TET1: variants seen among roughly 807,000 people sequenced by gnomAD.
The protein encoded by TET1 is tet methylcytosine dioxygenase 1, also known as methylcytosine dioxygenase TET1.
In TET1, 13 loss-of-function variants were observed where a neutral mutation model predicts 148.7. That is an observed-to-expected ratio of 0.09 (90% CI 0.06 to 0.14). The LOEUF is 0.14. TET1 is among the 10% of genes least tolerant of loss of function. The pLI, the probability that TET1 is intolerant of heterozygous loss-of-function variation, is 1.00. For synonymous variants in TET1, 907 were observed against 937.2 expected, an observed-to-expected ratio of 0.97 and a Z score of 0.59; for missense variants, 2,182 against 2,553.8, an observed-to-expected ratio of 0.85 and a Z score of 3.14.
At chr10:68,642,364 T>C (rs893534855) in intron 3 of TET1, among the ~76,000 whole-genome samples, 5 of 151,762 alleles carry the variant, frequency 3.3e-5, no homozygotes, top group Non-Finnish European at 7.4e-5. Flanking sequence ...AACCTGGGAG[T>C]TCGAGGCTAC....
At position 68,560,997 on chromosome 10, in the gene TET1, C is replaced by T. The variant is rs552868694; in HGVS notation, c.-123+255C>T. On this transcript the variant is annotated intron_variant, in intron 1 of 11. Transcript: ENST00000373644. ...GGTATCGGCCACCCGCTCCGGAGGCCCCGCCACAGCGCCGGGTTGGGGGCA... is the reference window on the plus strand; with the variant it reads ...GGTATCGGCCACCCGCTCCGGAGGCTCCGCCACAGCGCCGGGTTGGGGGCA... 3.9e-5 allele frequency among the ~76,000 whole-genome samples: 6 copies of T among 152,318 alleles called. No homozygotes were observed. The East Asian group carries it at 1.2e-3, about 29-fold the overall frequency.
intron 2 of TET1, among the ~76,000 whole-genome samples, chr10:68,578,857 A>G (rs894382414): frequency 2.0e-5 from 3 of 152,212 alleles, no homozygotes; most frequent in Admixed American, 6.5e-5. Flanking sequence ...AAATTTAAAA[A>G]AAAGAAAAAA....
rs546407182 is a variant in TET1, at chr10:68,669,636, G to A, written c.4673+2380G>A. On this transcript the variant is annotated intron_variant, in intron 7 of 11. Transcript: ENST00000373644. ...CCCAAAGTGCTGGGATTACAGGCGTGAGCCACCACGTCCAGCCCAGTGAAC... is the reference window on the plus strand; with the variant it reads ...CCCAAAGTGCTGGGATTACAGGCGTAAGCCACCACGTCCAGCCCAGTGAAC... Among the ~76,000 whole-genome samples the A allele has an allele frequency of 4.6e-5, 7 of 151,258 alleles. No individual in the cohort carries two copies. The South Asian group carries it at 6.3e-4, about 14-fold the overall frequency.
chr10:68,589,665 T>A (rs948187609), intron 2 of TET1, among the ~76,000 whole-genome samples: 1 of 29,856 alleles, frequency 3.3e-5, no homozygotes, highest in African/African-American at 7.6e-5. Context: ...ATCTCCAATT[T>A]TTTTTTTTTT....
chr10:68,647,325 C>G (rs1589109833), intron 4 of TET1, among the ~76,000 whole-genome samples: 1 of 152,162 alleles, frequency 6.6e-6, no homozygotes, highest in South Asian at 2.1e-4. Context: ...TTTCGTAGGC[C>G]AGGCGCAATG....
At chr10:68,602,788 C>G (rs1301240728) in intron 3 of TET1, among the ~76,000 whole-genome samples, 4 of 152,096 alleles carry the variant, frequency 2.6e-5, no homozygotes, top group Admixed American at 1.3e-4. Context: ...AATTACTGTA[C>G]AAGAGCAGGA....
At position 68,572,261 on chromosome 10, in the gene TET1, T is replaced by G; in HGVS notation, c.-78T>G. ...GAGCTGAAGAGCAGTGCATCCAGAT[T>G]CTCCTCAGAAGTGAGACTTTCCAAA... is the stretch of plus-strand genomic sequence containing the variant. On this transcript the variant is annotated 5_prime_UTR_variant, in exon 2 of 12. The change creates a new upstream start codon in the 5' untranslated region. Coordinates refer to ENST00000373644, the MANE Select transcript of TET1 (RefSeq NM_030625.3). 9 of 1,267,660 alleles carry G rather than the reference T, an allele frequency of 7.1e-6. No homozygotes were observed. The highest frequency in any genetic ancestry group is 9.7e-6 in the Non-Finnish European group (9 of 925,918). 78.5% of individuals were successfully genotyped at this position (1,267,660 alleles called of 1,614,324 possible).
rs1194187483 is a variant in TET1 at position 68,646,590 on chromosome 10, G to A, written c.3861G>A (p.Gln1287=). The change falls in exon 4 of 12, where the codon CAG becomes CAA. Residue 1287 remains glutamine, a synonymous_variant. Coordinates refer to ENST00000373644, the MANE Select transcript of TET1 (RefSeq NM_030625.3). ...ATAAAGCTTATAATTCTCAGGTACA[G>A]TTAACGGTGAATGCCAATCAGAAAG... ...FTDKAYNSQV[Q]LTVNANQKAH... is the part of the protein sequence containing the mutation. 1 of 1,614,208 alleles carries A rather than the reference G, an allele frequency of 6.2e-7. No individual in the cohort carries two copies. The highest frequency in any genetic ancestry group is 1.1e-5 in the South Asian group (1 of 91,084).
At position 68,590,428 on chromosome 10, in the gene TET1, A is replaced by C. The variant is rs187373862; in HGVS notation, c.1915-10553A>C. ...ATTACAGGCATGAGCCACCACACCC[A>C]GCTACTACATGCTTTTCATATCCAA... is the stretch of plus-strand genomic sequence containing the variant. On this transcript the variant is annotated intron_variant, in intron 2 of 11. Transcript: ENST00000373644. Among the ~76,000 whole-genome samples, 349 of 152,044 alleles carry C rather than the reference A, an allele frequency of 2.3e-3. 3 individuals carry two copies. The highest frequency in any genetic ancestry group is 7.7e-3 in the African/African-American group (321 of 41,458).
chr10:68,602,133 A>AGT (rs1290091510), intron 3 of TET1, among the ~76,000 whole-genome samples: 10 of 152,218 alleles, frequency 6.6e-5, no homozygotes, highest in Non-Finnish European at 1.5e-4. Flanking sequence ...TCAACCAACA[A>AGT]GTATTTATTT....
chr10:68,660,472 TG>T (rs2055091006), intron 6 of TET1, among the ~76,000 whole-genome samples: 1 of 151,334 alleles, frequency 6.6e-6, no homozygotes. Context: ...GCTAAGTACC[TG>T]GGATTACAGG....
chr10:68,671,356 A>G (rs1200347514), intron 7 of TET1, among the ~76,000 whole-genome samples: 2 of 152,206 alleles, frequency 1.3e-5, no homozygotes, highest in Non-Finnish European at 2.9e-5. Flanking sequence ...AGCTTTATTC[A>G]TGTTCCCACA....
intron 3 of TET1, among the ~76,000 whole-genome samples, chr10:68,611,660 T>TTTTCTTTTCTTTTC (rs1485352430): frequency 7.2e-6 from 1 of 138,882 alleles, no homozygotes; most frequent in Non-Finnish European, 1.6e-5. Context: ...CTTTCTTTTC[T>TTTTCTTTTCTTTTC]TTTCTTTTCT....
chr10:68,690,423 C>T (rs903184287), intron 11 of TET1, among the ~76,000 whole-genome samples: 10 of 152,134 alleles, frequency 6.6e-5, no homozygotes, highest in African/African-American at 2.2e-4. Flanking sequence ...CTGGCTAACA[C>T]GGTGAAACCC....
In TET1 at chr10:68,645,193, G is replaced by A. The variant is rs376967368; in HGVS notation, c.2464G>A (p.Val822Ile). Residue 822 changes from valine (V) to isoleucine (I), a missense_variant, in exon 4 of 12, where the codon GTT (valine) becomes ATT (isoleucine). Physicochemically the swap from Val to Ile is conservative, Grantham distance 29. This residue lies in a region of TET1 where 226 missense variants were observed against 307.4 expected (regional missense o/e 0.74). Coordinates refer to ENST00000373644, the MANE Select transcript of TET1 (RefSeq NM_030625.3). ...TGATCATCTCAAGGGGAGAAGTAAC[G>A]TTTTAGTATTCCAGCAGCCTGGCTT... ...SCDHLKGRSN[V>I]LVFQQPGFNC... The A allele has an allele frequency of 1.6e-4, 258 of 1,614,114 alleles. No homozygotes were observed. The highest frequency in any genetic ancestry group is 4.0e-4 in the African/African-American group (30 of 75,048).
At chr10:68,599,624 G>A (rs967408889) in intron 2 of TET1, among the ~76,000 whole-genome samples, 1 of 152,216 alleles carries the variant, frequency 6.6e-6, no homozygotes, top group Non-Finnish European at 1.5e-5. Flanking sequence ...CCCTGGCTCA[G>A]GTCCCGATCC....
At chr10:68,682,042 G>A (rs777660108) in intron 9 of TET1, among the ~76,000 whole-genome samples, 2 of 142,278 alleles carry the variant, frequency 1.4e-5, no homozygotes, top group Non-Finnish European at 1.5e-5. Context: ...TACATACACA[G>A]CATATCTATC....
At chr10:68,659,992 CA>C (rs2055082167) in intron 6 of TET1, among the ~76,000 whole-genome samples, 1 of 152,074 alleles carries the variant, frequency 6.6e-6, no homozygotes, top group Admixed American at 6.6e-5. Flanking sequence ...AGGAGTTGGC[CA>C]CTATAATTTT....
chr10:68,600,733 A>G (rs1308373244), intron 2 of TET1, among the ~76,000 whole-genome samples: 2 of 152,198 alleles, frequency 1.3e-5, no homozygotes, highest in Non-Finnish European at 2.9e-5. Flanking sequence ...TGAAGAATGC[A>G]GAGGCTAATT....
Sources: allele counts gnomAD v4.1 joint callset (sites outside exome capture counted in the v4.1 genomes callset), GRCh38; gene constraint gnomAD v4.1.1; regional missense constraint gnomAD v4.1.1; transcripts MANE v1.5; gene names NCBI Gene and HGNC (gene_info 2026-07-23, HGNC 2026-07-21).